PPP4R1: variants seen among roughly 807,000 people sequenced by gnomAD.
PPP4R1 encodes the protein protein phosphatase 4 regulatory subunit 1, also known as serine/threonine-protein phosphatase 4 regulatory subunit 1.
A neutral mutation model predicts 111.2 loss-of-function variants in PPP4R1; 42 were observed. The observed-to-expected ratio is 0.38, with a 90% CI of 0.29 to 0.49. The LOEUF is 0.49. Ranked by LOEUF, PPP4R1 falls within the 20% of genes least tolerant of loss-of-function variation. The pLI, the probability that PPP4R1 is intolerant of heterozygous loss-of-function variation, is 0.97. For synonymous variants in PPP4R1, 409 were observed against 405.5 expected (o/e 1.01, Z -0.10); for missense variants, 1,012 against 1,161.6 (o/e 0.87, Z 1.87).
intron 13 of PPP4R1, among the ~76,000 whole-genome samples, chr18:9,561,250 A>T (rs541563405): frequency 1.1e-4 from 17 of 149,258 alleles, no homozygotes; most frequent in Non-Finnish European, 2.2e-4. Context: ...TAATAATAAT[A>T]ATAATAATAA....
chr18:9,563,099 C>A, intron 12 of PPP4R1: 1 of 1,114,370 alleles, frequency 9.0e-7, no homozygotes, highest in Non-Finnish European at 1.1e-6. Context: ...GCTTTGTTTC[C>A]AGTAAGACTA....
intron 15 of PPP4R1, among the ~76,000 whole-genome samples, chr18:9,556,667 G>A (rs999047233): frequency 1.3e-5 from 2 of 152,314 alleles, no homozygotes; most frequent in East Asian, 3.9e-4. Flanking sequence ...TCAAAGTAGT[G>A]AGGGCTAAAC....
At chr18:9,586,819 T>C (rs1263666841) in intron 6 of PPP4R1, among the ~76,000 whole-genome samples, 1 of 152,216 alleles carries the variant, frequency 6.6e-6, no homozygotes, top group Admixed American at 6.5e-5. Flanking sequence ...GAATTACTAC[T>C]ATCCGAACTC....
chr18:9,554,924 C>A lies in PPP4R1; in HGVS notation c.2191-1502G>T, dbSNP rs534130688. ...TGTTGAATTTTTAAAATCCTAGAGT[C>A]CCCACTAATACTAAAATAACTTTCG... On this transcript the variant is annotated intron_variant, in intron 15 of 19. Transcript: ENST00000400556. Among the ~76,000 whole-genome samples, 22 of 152,302 alleles carry A rather than the reference C, an allele frequency of 1.4e-4. 1 individual carries two copies. The South Asian group carries it at 4.1e-3, about 29-fold the overall frequency.
At chr18:9,554,550 G>T (rs970240328) in intron 15 of PPP4R1, among the ~76,000 whole-genome samples, 7 of 152,070 alleles carry the variant, frequency 4.6e-5, no homozygotes, top group Admixed American at 1.3e-4. Context: ...ATAACAATAT[G>T]AAGTTAGTAA....
Position 9,600,776 on chromosome 18 carries a change from G to C in PPP4R1, c.53-5623C>G, listed in dbSNP as rs1311956510. Among the ~76,000 whole-genome samples, 6 of 152,242 alleles carry C rather than the reference G, an allele frequency of 3.9e-5. No homozygotes were observed. In the East Asian group the frequency reaches 7.7e-4, roughly 20 times the overall value. Reference sequence around the variant, plus strand: ...CACACCTGTGATCCCTGCTACTTGGGAGCCTGAGGTGGGGGGATCACTTGA... The same window carrying C: ...CACACCTGTGATCCCTGCTACTTGGCAGCCTGAGGTGGGGGGATCACTTGA... On this transcript the variant is annotated intron_variant, in intron 2 of 19. Coordinates refer to ENST00000400556, the MANE Select transcript of PPP4R1 (RefSeq NM_001042388.3).
upstream of PPP4R1, among the ~76,000 whole-genome samples, chr18:9,615,786 T>G (rs1381420702): frequency 6.6e-6 from 1 of 152,218 alleles, no homozygotes; most frequent in Non-Finnish European, 1.5e-5. Flanking sequence ...TACGTTGTAG[T>G]CTTGACCAAG....
chr18:9,614,683 C>T (rs1210201038), upstream of PPP4R1: 2 of 144,270 alleles, frequency 1.4e-5, no homozygotes, highest in Admixed American at 1.4e-4. This position sits in a 1 kb window ranked among gnomAD's most constrained non-coding sequence, Gnocchi z 4.1. Flanking sequence ...GGGCCCCCGG[C>T]CGCGCCCCGC....
intron 2 of PPP4R1, among the ~76,000 whole-genome samples, chr18:9,610,227 T>C (rs1264113823): frequency 4.6e-5 from 7 of 152,196 alleles, no homozygotes; most frequent in Non-Finnish European, 1.5e-5. Context: ...AAAACAGAAA[T>C]CTGAAATAAT....
intron 18 of PPP4R1, among the ~76,000 whole-genome samples, chr18:9,549,552 A>C (rs1210526086): frequency 1.3e-5 from 2 of 152,218 alleles, no homozygotes; most frequent in Non-Finnish European, 2.9e-5. Flanking sequence ...GGAGACCTAG[A>C]GTGTTCATTC....
intron 2 of PPP4R1, among the ~76,000 whole-genome samples, chr18:9,600,595 C>T (rs143772085): frequency 9.9e-5 from 15 of 152,182 alleles, no homozygotes; most frequent in Middle Eastern, 3.4e-3. Flanking sequence ...AGCTGGAGGC[C>T]GGGTGTGGTG....
chr18:9,579,712 T>C (rs1032016268), intron 9 of PPP4R1, among the ~76,000 whole-genome samples: 2 of 152,220 alleles, frequency 1.3e-5, no homozygotes, highest in East Asian at 1.9e-4. Context: ...TTCCTTGTCA[T>C]TATTCCCTAA....
At chr18:9,609,935 T>C (rs1401034590) in intron 2 of PPP4R1, among the ~76,000 whole-genome samples, 1 of 152,264 alleles carries the variant, frequency 6.6e-6, no homozygotes, top group African/African-American at 2.4e-5. Flanking sequence ...ATTAGTCAAC[T>C]TACTTATTAG....
intron 10 of PPP4R1, among the ~76,000 whole-genome samples, chr18:9,572,737 T>C (rs1401388406): frequency 6.6e-6 from 1 of 152,228 alleles, no homozygotes; most frequent in East Asian, 1.9e-4. Context: ...AATGCTGTTT[T>C]CAAAACCATT....
intron 2 of PPP4R1, chr18:9,613,593 G>T (rs1469550758): frequency 6.6e-6 from 1 of 152,058 alleles, no homozygotes; most frequent in Non-Finnish European, 1.5e-5. Context: ...CCGCATTAAA[G>T]AAATATGCTC....
intron 3 of PPP4R1, 188 bp downstream of exon 3, chr18:9,594,830 G>A (rs1018524392): frequency 3.6e-6 from 2 of 551,902 alleles, no homozygotes; most frequent in Non-Finnish European, 2.9e-6. Context: ...AAAGCATGTT[G>A]TATGCTTACT....
chr18:9,597,531 C>T (rs62088875), intron 2 of PPP4R1, among the ~76,000 whole-genome samples: 23,717 of 152,096 alleles, frequency 0.16, 2,470 homozygotes, highest in African/African-American at 0.29. Flanking sequence ...TTACCTGAAA[C>T]GATCAAGTGA....
Position 9,550,126 on chromosome 18 carries a change from T to C in PPP4R1, c.2473A>G (p.Ile825Val), listed in dbSNP as rs1226837548. The C allele has an allele frequency of 1.2e-6, 2 of 1,611,832 alleles. No homozygotes were observed. The highest frequency in any genetic ancestry group is 2.2e-5 in the South Asian group (2 of 91,042). The stretch of plus-strand genomic sequence containing the variant: ...CCAAAGTTCTCCACAAGCTCATTGA[T>C]GAGGTCCACTCCGAACGTTGGTGGT... ...ATPPTFGVDL[I>V]NELVENFGRC... The change falls in exon 18 of 20, where the codon ATC (isoleucine) becomes GTC (valine). Residue 825 changes from isoleucine to valine, a missense_variant. Ile to Val is a conservative substitution (Grantham distance 29, BLOSUM62 3). Coordinates refer to ENST00000400556, the MANE Select transcript of PPP4R1 (RefSeq NM_001042388.3).
rs1357008075 is a variant in PPP4R1 at position 9,570,603 on chromosome 18, C to A, written c.1127G>T (p.Ser376Ile). Residue 376 changes from serine to isoleucine, a missense_variant, in exon 11 of 20, where the codon AGT (serine) becomes ATT (isoleucine). Ser to Ile is a moderately radical substitution (Grantham distance 142, BLOSUM62 -2). Transcript: ENST00000400556. ...TTCCATCGTGTTTTCCAGTATGACA[C>A]TGGAATTACTAACACTGAGATCTGA... ...TPSDLSVSNSSVILENTMEDH... is the reference protein window; with the variant it reads ...TPSDLSVSNSIVILENTMEDH... The A allele has an allele frequency of 6.2e-7, 1 of 1,614,068 alleles. No individual in the cohort carries two copies. Among genetic ancestry groups the A allele is most frequent in the African/African-American group, 1.3e-5 (1 of 75,046 alleles).
Sources: allele counts gnomAD v4.1 joint callset (sites outside exome capture counted in the v4.1 genomes callset), GRCh38; gene constraint gnomAD v4.1.1; non-coding constraint Gnocchi (gnomAD v3.1); transcripts MANE v1.5; gene names NCBI Gene and HGNC (gene_info 2026-07-23, HGNC 2026-07-21).